The following MYO15A variants were observed in gnomAD, a reference collection of about 807,000 sequenced individuals.
The protein encoded by MYO15A is unconventional myosin-XV.
In MYO15A, 308 loss-of-function variants were observed where a neutral mutation model predicts 394.6. The observed-to-expected ratio is 0.78, with a 90% CI of 0.71 to 0.86. The LOEUF is 0.86. MYO15A is among the 40% of genes least tolerant of loss of function. The probability of loss-of-function intolerance (pLI) is 0.00; values close to 1 mark genes in which losing one functional copy is unlikely to be tolerated. For synonymous variants in MYO15A, 1,957 were observed against 2,003.8 expected (o/e 0.98, Z 0.62); for missense variants, 4,606 against 4,799.1 (o/e 0.96, Z 1.19).
chr17:18,143,636 G>A lies in MYO15A; in HGVS notation c.5964+17G>A, dbSNP rs1375877797. 1 of 1,567,676 alleles carries A rather than the reference G, an allele frequency of 6.4e-7. No homozygotes were observed. The highest frequency in any genetic ancestry group is 8.7e-7 in the Non-Finnish European group (1 of 1,155,880). On this transcript the variant is annotated intron_variant, in intron 26 of 65. Transcript: ENST00000647165. ...GAGCAGGAGGTGGGTGTGGGTCTGG[G>A]TGGCAGCAGGGCCAAGGAGGGAGGC...
At position 18,122,074 on chromosome 17, in the gene MYO15A, G is replaced by A. The variant is rs991578634; in HGVS notation, c.3274G>A (p.Ala1092Thr). The part of the protein sequence containing the change: ...GTLPQAAAPL[A>T]PIRAPEPLPK... Reference sequence around the variant, plus strand: ...ACTGCCCCAAGCCGCAGCCCCCTTGGCGCCCATCAGGGCCCCAGAGCCCCT... The same window carrying A: ...ACTGCCCCAAGCCGCAGCCCCCTTGACGCCCATCAGGGCCCCAGAGCCCCT... The change falls in exon 2 of 66, where the codon GCG becomes ACG. Residue 1092 changes from alanine to threonine, a missense_variant. Coordinates refer to ENST00000647165, the MANE Select transcript of MYO15A (RefSeq NM_016239.4). 2.5e-6 allele frequency: 4 copies of A among 1,612,862 alleles called. No individual in the cohort carries two copies. Among genetic ancestry groups the A allele is most frequent in the Non-Finnish European group, 3.4e-6 (4 of 1,179,962 alleles).
At chr17:18,123,829 A>AGGG (rs2045983491) in intron 2 of MYO15A, 1 of 156,348 alleles carries the variant, frequency 6.4e-6, no homozygotes, top group East Asian at 1.9e-4. Flanking sequence ...GACCCCCAGC[A>AGGG]TAGGGAGGGA....
Position 18,121,878 on chromosome 17 carries a change from G to T in MYO15A, c.3078G>T (p.Glu1026Asp). 1 of 1,612,922 alleles carries T rather than the reference G, an allele frequency of 6.2e-7. No individual in the cohort carries two copies. Among genetic ancestry groups the T allele is most frequent in the South Asian group, 1.1e-5 (1 of 91,084 alleles). Residue 1026 changes from glutamate (E) to aspartate (D), a missense_variant, in exon 2 of 66, where the codon GAG becomes GAT. Glu to Asp is a conservative substitution (Grantham distance 45). Transcript: ENST00000647165. This position sits in a 1 kb window ranked among gnomAD's most constrained non-coding sequence, Gnocchi z 5.3. Reference sequence around the variant, plus strand: ...TGGGGGACCCCCAGCTGCCAGCAGAGACCAAGCCTCCAACCCCAGCACCTC... The same window carrying T: ...TGGGGGACCCCCAGCTGCCAGCAGATACCAAGCCTCCAACCCCAGCACCTC... Reference protein sequence around the residue: ...ATLGDPQLPAETKPPTPAPPK... With the variant: ...ATLGDPQLPADTKPPTPAPPK...
chr17:18,138,069 C>G (rs774157716), intron 16 of MYO15A, 46 bp from the exon 17 acceptor site: 2 of 1,598,832 alleles, frequency 1.3e-6, no homozygotes, highest in Admixed American at 3.3e-5. Context: ...TGGGTGGGCC[C>G]TGGACAGGGA....
In MYO15A at chr17:18,132,327, C is replaced by A; in HGVS notation, c.4207-126C>A. ...CTGGGAGCCTCACCCATCACAGAGGCGCGTGTTCTCATCTGCAGCCCACTG... is the reference window on the plus strand; with the variant it reads ...CTGGGAGCCTCACCCATCACAGAGGAGCGTGTTCTCATCTGCAGCCCACTG... On this transcript the variant is annotated intron_variant, in intron 10 of 65. Transcript: ENST00000647165. This position sits in a 1 kb window ranked among gnomAD's most constrained non-coding sequence, Gnocchi z 4.6. 1 of 739,040 alleles carries A rather than the reference C, an allele frequency of 1.4e-6. No individual in the cohort carries two copies. The highest frequency in any genetic ancestry group is 2.0e-5 in the Admixed American group (1 of 49,610). The allele number at this position is 739,040 out of a possible 1,614,324, so 45.8% of individuals were successfully genotyped here. A position where few individuals can be genotyped will look rare whatever the true frequency, so the allele number is the denominator to read the frequency against.
chr17:18,124,963 C>T, intron 3 of MYO15A: 2 of 628,860 alleles, frequency 3.2e-6, no homozygotes, highest in Non-Finnish European at 5.7e-6. Flanking sequence ...GAAGTAGGTA[C>T]AATGATTATC....
At position 18,154,710 on chromosome 17, in the gene MYO15A, C is replaced by G; in HGVS notation, c.8179C>G (p.Leu2727Val). 1 of 1,613,772 alleles carries G rather than the reference C, an allele frequency of 6.2e-7. No homozygotes were observed. The change falls in exon 45 of 66, where the codon CTT (leucine) becomes GTT (valine). Residue 2727 changes from leucine (L) to valine (V), a missense_variant. Around this residue, in one of 2 missense-constraint regions of MYO15A, gnomAD observed 2,776 missense variants for 3,109.3 expected, o/e 0.89. Coordinates refer to ENST00000647165, the MANE Select transcript of MYO15A (RefSeq NM_016239.4). ...ILHDTLSEAC[L>V]RISEDERLRM... ...GCACGACACGCTCTCCGAGGCCTGC[C>G]TTCGCATCTCTGAGGATGAGAGGCT... is the stretch of plus-strand genomic sequence containing the variant.
rs1356697865 is a variant in MYO15A, at chr17:18,151,889, G to C, written c.7831G>C (p.Glu2611Gln). ...KVFMKRPDPH[E>Q]EALMILKGQM... is the part of the protein sequence containing the mutation. The stretch of plus-strand genomic sequence containing the variant: ...GTTCATGAAGCGGCCAGACCCTCAT[G>C]AGGAGGCCCTGATGATCCTGAAAGG... The change falls in exon 41 of 66, where the codon GAG becomes CAG. Residue 2611 changes from glutamate to glutamine, a missense_variant. This residue lies in a region of MYO15A where 2,776 missense variants were observed against 3,109.3 expected (regional missense o/e 0.89). Coordinates refer to ENST00000647165, the MANE Select transcript of MYO15A (RefSeq NM_016239.4). 1 of 1,578,148 alleles carries C rather than the reference G, an allele frequency of 6.3e-7. No homozygotes were observed. Among genetic ancestry groups the C allele is most frequent in the Non-Finnish European group, 8.6e-7 (1 of 1,162,124 alleles).
Position 18,167,676 on chromosome 17 carries a change from G to A in MYO15A, c.10035G>A (p.Leu3345=), listed in dbSNP as rs2046873971. 5 of 1,604,548 alleles carry A rather than the reference G, an allele frequency of 3.1e-6. No individual in the cohort carries two copies. Among genetic ancestry groups the A allele is most frequent in the Non-Finnish European group, 3.4e-6 (4 of 1,179,980 alleles). The change falls in exon 62 of 66, where the codon CTG becomes CTA. Residue 3345 remains leucine (L), a synonymous_variant. Transcript: ENST00000647165. The stretch of plus-strand genomic sequence containing the variant: ...AGCTGCTGCAGCAGGTGTCCAAGCT[G>A]GCTTCACTGCAGCATCGCGCCAAGG... ...SEQLLQQVSK[L]ASLQHRAKDH...
intron 18 of MYO15A, chr17:18,139,280 A>G (rs918461896): frequency 1.6e-6 from 1 of 610,760 alleles, no homozygotes; most frequent in African/African-American, 1.9e-5. Context: ...CTAGGATTCC[A>G]TGCCTCTGTC....
At position 18,143,777 on chromosome 17, in the gene MYO15A, G is replaced by A; in HGVS notation, c.6027G>A (p.Gly2009=). 1 of 1,590,084 alleles carries A rather than the reference G, an allele frequency of 6.3e-7. No individual in the cohort carries two copies. The highest frequency in any genetic ancestry group is 8.6e-7 in the Non-Finnish European group (1 of 1,168,496). ...GHLEVPAELA[G]LLQAVAGLGL... is the part of the protein sequence containing the mutation. ...TGGAGGTACCGGCTGAGCTGGCTGGGCTCTTGCAAGCAGTGGCAGGTGGGT... is the reference window on the plus strand; with the variant it reads ...TGGAGGTACCGGCTGAGCTGGCTGGACTCTTGCAAGCAGTGGCAGGTGGGT... Residue 2009 remains glycine, a synonymous_variant, in exon 27 of 66, where the codon GGG becomes GGA. Coordinates refer to ENST00000647165, the MANE Select transcript of MYO15A (RefSeq NM_016239.4).
chr17:18,178,799 C>A lies in MYO15A; in HGVS notation c.10522C>A (p.His3508Asn). The stretch of plus-strand genomic sequence containing the variant: ...GGAACTGTGTCGTGTGGTGGCCGTG[C>A]ACGTGGAGAACCTGCTCAGTGCCCA... ...GLELCRVVAV[H>N]VENLLSAHEK... is the part of the protein sequence containing the mutation. Residue 3508 changes from histidine (H) to asparagine (N), a missense_variant, in exon 66 of 66, where the codon CAC becomes AAC. His to Asn is a moderately conservative substitution (Grantham distance 68). Around this residue, in one of 2 missense-constraint regions of MYO15A, gnomAD observed 2,776 missense variants for 3,109.3 expected, o/e 0.89. Coordinates refer to ENST00000647165, the MANE Select transcript of MYO15A (RefSeq NM_016239.4). 1 of 1,614,012 alleles carries A rather than the reference C, an allele frequency of 6.2e-7. No homozygotes were observed. The highest frequency in any genetic ancestry group is 8.5e-7 in the Non-Finnish European group (1 of 1,180,016).
chr17:18,127,188 G>A (rs371873646), intron 7 of MYO15A, 23 bp downstream of exon 7: 11 of 1,613,086 alleles, frequency 6.8e-6, no homozygotes, highest in Non-Finnish European at 8.5e-6. Flanking sequence ...GTCTCCCCAG[G>A]ACCCTAGGCT....
intron 23 of MYO15A, 81 bp from the exon 24 acceptor site, chr17:18,141,998 C>G (rs990835038): frequency 6.4e-7 from 1 of 1,555,128 alleles, no homozygotes; most frequent in Non-Finnish European, 8.8e-7. Flanking sequence ...TATTCTGTCT[C>G]CACGGACTTC....
intron 12 of MYO15A, among the ~76,000 whole-genome samples, chr17:18,134,594 C>T (rs1006713507): frequency 3.3e-5 from 5 of 152,150 alleles, no homozygotes; most frequent in African/African-American, 1.2e-4. Context: ...AAAAATACAT[C>T]TTTATTAGCT....
At chr17:18,154,002 G>T (rs1027467738) in intron 43 of MYO15A, 106 bp downstream of exon 43, 95 of 1,605,436 alleles carry the variant, frequency 5.9e-5, no homozygotes, top group Non-Finnish European at 7.8e-5. Flanking sequence ...CAGGAGGACA[G>T]AAAAAGGCCG....
intron 12 of MYO15A, among the ~76,000 whole-genome samples, chr17:18,135,187 C>T (rs570331672): frequency 4.6e-5 from 7 of 151,622 alleles, no homozygotes; most frequent in East Asian, 2.0e-4. Context: ...TTTATTTTTT[C>T]GAGACGGAGT....
intron 47 of MYO15A, among the ~76,000 whole-genome samples, chr17:18,155,746 G>A (rs2046664777): frequency 6.6e-6 from 1 of 152,190 alleles, no homozygotes; most frequent in Non-Finnish European, 1.5e-5. Flanking sequence ...CAGCTGGGGA[G>A]GGAACCACTG....
At position 18,121,614 on chromosome 17, in the gene MYO15A, C is replaced by T. The variant is rs2045935079; in HGVS notation, c.2814C>T (p.Arg938=). 1 of 1,598,516 alleles carries T rather than the reference C, an allele frequency of 6.3e-7. No homozygotes were observed. The highest frequency in any genetic ancestry group is 1.1e-5 in the South Asian group (1 of 88,822). The part of the protein sequence containing the change: ...SWDVDMPPTQ[R]PPSPWPGGAG... Reference sequence around the variant, plus strand: ...ACGTGGACATGCCTCCCACCCAACGCCCACCCTCCCCCTGGCCAGGAGGTG... The same window carrying T: ...ACGTGGACATGCCTCCCACCCAACGTCCACCCTCCCCCTGGCCAGGAGGTG... The change falls in exon 2 of 66, where the codon CGC becomes CGT. Residue 938 remains arginine (R), a synonymous_variant. Coordinates refer to ENST00000647165, the MANE Select transcript of MYO15A (RefSeq NM_016239.4). This position sits in a 1 kb window ranked among gnomAD's most constrained non-coding sequence, Gnocchi z 5.3.
Sources: gnomAD v4.1 joint callset for allele counts (sites outside exome capture counted in the v4.1 genomes callset) on GRCh38, gnomAD v4.1.1 for gene constraint, gnomAD v4.1.1 regional missense constraint, Gnocchi (gnomAD v3.1) non-coding constraint, MANE v1.5 for transcripts, NCBI Gene and HGNC (gene_info 2026-07-23, HGNC 2026-07-21) for gene names.